Variants in P3H2 observed in about 807,000 individuals in gnomAD.
P3H2 encodes the protein prolyl 3-hydroxylase 2, also known as leprecan-like 1.
P3H2 carries 80 observed loss-of-function variants against 87.0 expected under a neutral mutation model. The ratio of observed to expected loss-of-function variants is 0.92; its 90% CI spans 0.77 to 1.11. The LOEUF (loss-of-function observed/expected upper bound fraction) is 1.11. Among genes scored for constraint, P3H2 ranks in the 50% least tolerant of loss-of-function variants. The pLI is 0.00. For synonymous variants in P3H2, 367 were observed against 359.3 expected (o/e 1.02, Z -0.24); for missense variants, 1,001 against 923.9 (o/e 1.08, Z -1.08).
chr3:190,006,123 G>C (rs1724380197), intron 1 of P3H2, among the ~76,000 whole-genome samples: 1 of 152,216 alleles, frequency 6.6e-6, no homozygotes, highest in South Asian at 2.1e-4. Flanking sequence ...AAATTCTAGA[G>C]AAAGCTAAAG....
At chr3:190,029,092 A>G (rs1395167062) in intron 1 of P3H2, among the ~76,000 whole-genome samples, 1 of 152,192 alleles carries the variant, frequency 6.6e-6, no homozygotes, top group Admixed American at 6.5e-5. Context: ...TTCCGGCCTG[A>G]GGTTCTTAAG....
intron 13 of P3H2, among the ~76,000 whole-genome samples, chr3:189,966,122 A>AG: frequency 3.0e-5 from 2 of 65,902 alleles, no homozygotes; most frequent in Non-Finnish European, 6.1e-5. Flanking sequence ...AGAAAGAAAG[A>AG]AAAAGAAAGA....
At chr3:190,114,332 T>C (rs112614327) in intron 1 of P3H2, among the ~76,000 whole-genome samples, 66,543 of 148,942 alleles carry the variant, frequency 0.45, 17,637 homozygotes, top group African/African-American at 0.75. Flanking sequence ...TACAGGCGCC[T>C]GCCACCACGC....
intron 1 of P3H2, among the ~76,000 whole-genome samples, chr3:190,056,932 C>G (rs1348460312): frequency 6.6e-6 from 1 of 152,208 alleles, no homozygotes; most frequent in Non-Finnish European, 1.5e-5. Context: ...AGACCCTCCC[C>G]CTTCACCATA....
chr3:189,999,934 G>A (rs1181192264), intron 1 of P3H2, among the ~76,000 whole-genome samples: 1 of 152,158 alleles, frequency 6.6e-6, no homozygotes, highest in East Asian at 1.9e-4. Flanking sequence ...TATGGACAAA[G>A]AAATGAACAT....
chr3:190,038,146 T>C (rs1725481597), intron 1 of P3H2, among the ~76,000 whole-genome samples: 1 of 151,788 alleles, frequency 6.6e-6, no homozygotes, highest in South Asian at 2.1e-4. Flanking sequence ...GCTTATCTAC[T>C]GTGCCTAACA....
chr3:189,996,300 C>T (rs1361653162), intron 1 of P3H2, among the ~76,000 whole-genome samples: 1 of 152,186 alleles, frequency 6.6e-6, no homozygotes, highest in Non-Finnish European at 1.5e-5. Flanking sequence ...GAAATCCCAT[C>T]ATTTGCAACA....
intron 1 of P3H2, among the ~76,000 whole-genome samples, chr3:190,103,897 T>C (rs1166937483): frequency 6.6e-6 from 1 of 152,094 alleles, no homozygotes; most frequent in African/African-American, 2.4e-5. Flanking sequence ...GTTCAACCGA[T>C]TCTCGTGCCT....
At chr3:190,037,801 T>G (rs896818214) in intron 1 of P3H2, among the ~76,000 whole-genome samples, 7 of 152,196 alleles carry the variant, frequency 4.6e-5, no homozygotes, top group African/African-American at 1.4e-4. Context: ...TCAATATTTG[T>G]TAAGCAAAAT....
intron 1 of P3H2, among the ~76,000 whole-genome samples, chr3:190,092,818 A>G (rs907795655): frequency 6.6e-6 from 1 of 152,256 alleles, no homozygotes; most frequent in Non-Finnish European, 1.5e-5. Context: ...CTTCCTTCCT[A>G]TTCTACATCC....
Position 190,033,862 on chromosome 3 carries a change from C to A in P3H2, c.481-38420G>T, listed in dbSNP as rs796128936. The stretch of plus-strand genomic sequence containing the variant: ...AATGGATGATATTCATATCCTATTG[C>A]TCAGGGTAAGACAATCTCCTCTTTT... On this transcript the variant is annotated intron_variant, in intron 1 of 14. Transcript: ENST00000319332. 2.6e-5 allele frequency among the ~76,000 whole-genome samples: 4 copies of A among 152,232 alleles called. No individual in the cohort carries two copies. The South Asian group carries it at 8.3e-4, about 32-fold the overall frequency.
chr3:190,017,130 A>G (rs1724781161), intron 1 of P3H2, among the ~76,000 whole-genome samples: 1 of 152,072 alleles, frequency 6.6e-6, no homozygotes, highest in Non-Finnish European at 1.5e-5. Context: ...GTTTCCTCCC[A>G]TTTGTTCCTT....
intron 1 of P3H2, among the ~76,000 whole-genome samples, chr3:189,997,771 A>G (rs1478231098): frequency 1.3e-5 from 2 of 152,126 alleles, no homozygotes; most frequent in Non-Finnish European, 2.9e-5. Context: ...CAAAATCACT[A>G]ATTTTGGATT....
chr3:190,120,751 C>T lies in P3H2; in HGVS notation c.-20G>A, dbSNP rs1479898832. Reference sequence around the variant, plus strand: ...CCGCATCCTCCGCCTCAGAGAGGCGCGGGACGGTTACGCTCGAGAGGGCTT... The same window carrying T: ...CCGCATCCTCCGCCTCAGAGAGGCGTGGGACGGTTACGCTCGAGAGGGCTT... On this transcript the variant is annotated 5_prime_UTR_variant, in exon 1 of 15. Transcript: ENST00000319332. 4 of 1,516,584 alleles carry T rather than the reference C, an allele frequency of 2.6e-6. No homozygotes were observed. The highest frequency in any genetic ancestry group is 2.6e-6 in the Non-Finnish European group (3 of 1,139,652). The allele number at this position is 1,516,584 out of a possible 1,614,324, so 93.9% of individuals were successfully genotyped here. A position where few individuals can be genotyped will look rare whatever the true frequency, so the allele number is the denominator to read the frequency against.
At chr3:190,111,788 A>G (rs1712078350) in intron 1 of P3H2, among the ~76,000 whole-genome samples, 1 of 152,184 alleles carries the variant, frequency 6.6e-6, no homozygotes, top group Admixed American at 6.5e-5. Flanking sequence ...CATGCATCTA[A>G]TTTACCTGAT....
chr3:190,016,470 C>T (rs1055230944), intron 1 of P3H2, among the ~76,000 whole-genome samples: 4 of 152,134 alleles, frequency 2.6e-5, no homozygotes, highest in African/African-American at 9.7e-5. Context: ...TCTTGAACTC[C>T]TGACCTCAGG....
At chr3:190,046,672 A>G (rs1011337980) in intron 1 of P3H2, among the ~76,000 whole-genome samples, 6 of 152,146 alleles carry the variant, frequency 3.9e-5, no homozygotes, top group African/African-American at 1.4e-4. Context: ...TAAACTCAAA[A>G]TTGATGCAAA....
At chr3:190,080,240 A>T (rs1726998540) in intron 1 of P3H2, among the ~76,000 whole-genome samples, 2 of 152,224 alleles carry the variant, frequency 1.3e-5, no homozygotes, top group Admixed American at 1.3e-4. Flanking sequence ...GGAGTTGGAT[A>T]ACAAGATACG....
At chr3:189,959,412 C>A (rs1259173412) in intron 14 of P3H2, among the ~76,000 whole-genome samples, 2 of 118,546 alleles carry the variant, frequency 1.7e-5, no homozygotes, top group Non-Finnish European at 3.4e-5. Context: ...CCCCTCCCCC[C>A]ACCCCACAAC....
Sources: allele counts gnomAD v4.1 joint callset (sites outside exome capture counted in the v4.1 genomes callset), GRCh38; gene constraint gnomAD v4.1.1; transcripts MANE v1.5; gene names NCBI Gene and HGNC (gene_info 2026-07-23, HGNC 2026-07-21).